The following LRFN5 variants were observed in gnomAD, a reference collection of about 807,000 sequenced individuals.
LRFN5 encodes leucine rich repeat and fibronectin type III domain containing 5, also known as leucine-rich repeat and fibronectin type-III domain-containing protein 5.
In LRFN5, 24 loss-of-function variants were observed where a neutral mutation model predicts 45.6. That is an observed-to-expected ratio of 0.53 (90% CI 0.38 to 0.74). The LOEUF is 0.74. LRFN5 is among the 30% of genes least tolerant of loss of function. The probability of loss-of-function intolerance (pLI) is 0.00; values close to 1 mark genes in which losing one functional copy is unlikely to be tolerated. For missense variants in LRFN5, 776 were observed against 861.5 expected (o/e 0.90, Z 1.24); for synonymous variants, 340 against 313.8 (o/e 1.08, Z -0.88).
chr14:41,755,797 A>T (rs566243645), intron 1 of LRFN5, among the ~76,000 whole-genome samples: 29 of 152,260 alleles, frequency 1.9e-4, no homozygotes, highest in African/African-American at 6.7e-4. Flanking sequence ...TGTGAATTTG[A>T]TCCTGTCATT....
chr14:41,749,135 A>C (rs72668805), intron 1 of LRFN5, among the ~76,000 whole-genome samples: 3 of 152,156 alleles, frequency 2.0e-5, no homozygotes, highest in Non-Finnish European at 2.9e-5. Flanking sequence ...CAGAGCCTTC[A>C]TTACCTAATC....
intron 1 of LRFN5, among the ~76,000 whole-genome samples, chr14:41,692,670 G>T (rs887438486): frequency 2.0e-5 from 3 of 152,008 alleles, no homozygotes; most frequent in Admixed American, 2.0e-4. Context: ...GCGGTGTTTG[G>T]TTTTTTGTCC....
At chr14:41,744,611 C>T (rs888676385) in intron 1 of LRFN5, among the ~76,000 whole-genome samples, 2 of 152,042 alleles carry the variant, frequency 1.3e-5, no homozygotes, top group African/African-American at 2.4e-5. Context: ...AACACACACA[C>T]GCACACCATA....
At chr14:41,783,908 C>T (rs896999273) in intron 2 of LRFN5, among the ~76,000 whole-genome samples, 6 of 151,982 alleles carry the variant, frequency 3.9e-5, no homozygotes, top group Non-Finnish European at 8.8e-5. Flanking sequence ...CTAATTTTCA[C>T]TTTATGATTT....
At chr14:41,893,272 T>C (rs1890841667) in intron 4 of LRFN5, 1 of 953,350 alleles carries the variant, frequency 1.0e-6, no homozygotes, top group South Asian at 4.8e-5. Flanking sequence ...ATTAGAAATT[T>C]ACTGAAATTA....
At chr14:41,875,887 C>T (rs1230456183) in intron 2 of LRFN5, among the ~76,000 whole-genome samples, 2 of 152,182 alleles carry the variant, frequency 1.3e-5, no homozygotes, top group Non-Finnish European at 2.9e-5. Context: ...GTCCTGACTT[C>T]TTACATAAAT....
At chr14:41,776,570 A>T (rs1228994742) in intron 2 of LRFN5, among the ~76,000 whole-genome samples, 1 of 152,096 alleles carries the variant, frequency 6.6e-6, no homozygotes. Context: ...TATACTTAAT[A>T]ACTTGTCTTT....
chr14:41,853,302 T>A (rs1889337323), intron 2 of LRFN5, among the ~76,000 whole-genome samples: 1 of 152,006 alleles, frequency 6.6e-6, no homozygotes, highest in Admixed American at 6.6e-5. Context: ...CTGGATACAA[T>A]AAGTGGAACA....
At chr14:41,899,400 T>A (rs1891038490) in intron 5 of LRFN5, among the ~76,000 whole-genome samples, 1 of 152,162 alleles carries the variant, frequency 6.6e-6, no homozygotes, top group South Asian at 2.1e-4. Context: ...CAGAAGTGTT[T>A]CACTGTTATC....
intron 2 of LRFN5, among the ~76,000 whole-genome samples, chr14:41,802,866 T>G (rs1887386322): frequency 6.6e-6 from 1 of 152,132 alleles, no homozygotes. Flanking sequence ...ACAATGAGAT[T>G]GTGGCAGAAA....
At chr14:41,748,503 G>C (rs966893461) in intron 1 of LRFN5, among the ~76,000 whole-genome samples, 17 of 152,068 alleles carry the variant, frequency 1.1e-4, no homozygotes, top group Non-Finnish European at 2.4e-4. Flanking sequence ...ATTGCAAGGG[G>C]CTTCAGGTAG....
rs10136446 is a variant in LRFN5, at chr14:41,892,239, G to A, written c.2098+277G>A. ...AATCATTTTGAGAACTCACATAGAA[G>A]ATTGGAATTTGCAATTCCAATGCTG... On this transcript the variant is annotated intron_variant, in intron 4 of 5. Transcript: ENST00000298119. 242 of 984,844 alleles carry A rather than the reference G, an allele frequency of 2.5e-4. No individual in the cohort carries two copies. The African/African-American group carries it at 3.9e-3, about 16-fold the overall frequency. The allele number at this position is 984,844 out of a possible 1,614,324, so 61.0% of individuals were successfully genotyped here. A position where few individuals can be genotyped will look rare whatever the true frequency, so the allele number is the denominator to read the frequency against.
In LRFN5 at chr14:41,650,236, T is replaced by TACACAC. The variant is rs1555351105; in HGVS notation, c.-197+41700_-197+41705dup. ...TAGTGAAACCCTGTATCTACAAAAATACACACACACACACACACACACACA... is the reference window on the plus strand; with the variant it reads ...TAGTGAAACCCTGTATCTACAAAAATACACACACACACACACACACACACACACACA... On this transcript the variant is annotated intron_variant, in intron 1 of 5. Transcript: ENST00000298119. Among the ~76,000 whole-genome samples, 195 of 128,196 alleles carry TACACAC rather than the reference T, an allele frequency of 1.5e-3. 1 individual carries two copies. Among genetic ancestry groups the TACACAC allele is most frequent in the African/African-American group, 5.1e-3 (170 of 33,116 alleles). 84.1% of individuals were successfully genotyped at this position (128,196 alleles called of 152,430 possible).
intron 1 of LRFN5, among the ~76,000 whole-genome samples, chr14:41,712,097 G>A (rs1883308329): frequency 6.6e-6 from 1 of 152,132 alleles, no homozygotes; most frequent in Non-Finnish European, 1.5e-5. Flanking sequence ...AAGAAGTGGA[G>A]GTAATATCGG....
intron 2 of LRFN5, among the ~76,000 whole-genome samples, chr14:41,830,033 A>G (rs1055870231): frequency 6.6e-6 from 1 of 151,232 alleles, no homozygotes; most frequent in Admixed American, 6.6e-5. Context: ...TTAATACATA[A>G]TTAACTTTTG....
chr14:41,874,832 C>A (rs575393828), intron 2 of LRFN5, among the ~76,000 whole-genome samples: 1 of 152,192 alleles, frequency 6.6e-6, no homozygotes, highest in East Asian at 1.9e-4. Context: ...AACTTACAAT[C>A]ATTGTGAAAA....
chr14:41,715,725 T>C (rs1263484633), intron 1 of LRFN5, among the ~76,000 whole-genome samples: 1 of 152,170 alleles, frequency 6.6e-6, no homozygotes, highest in East Asian at 1.9e-4. Flanking sequence ...ACATTGAGTG[T>C]CTGTGGCTTT....
At chr14:41,789,364 G>A (rs1366316646) in intron 2 of LRFN5, among the ~76,000 whole-genome samples, 2 of 152,042 alleles carry the variant, frequency 1.3e-5, no homozygotes, top group East Asian at 1.9e-4. Context: ...AGATCACATG[G>A]AGGATTTACC....
intron 2 of LRFN5, among the ~76,000 whole-genome samples, chr14:41,826,814 A>G (rs1888311156): frequency 6.6e-6 from 1 of 151,702 alleles, no homozygotes; most frequent in South Asian, 2.1e-4. Context: ...AATAATATAT[A>G]TGATATGTTG....
Sources: gnomAD v4.1 joint callset for allele counts (sites outside exome capture counted in the v4.1 genomes callset) on GRCh38, gnomAD v4.1.1 for gene constraint, MANE v1.5 for transcripts, NCBI Gene and HGNC (gene_info 2026-07-23, HGNC 2026-07-21) for gene names.